The following CDH26 variants were observed in gnomAD, a reference collection of about 807,000 sequenced individuals.
CDH26 encodes cadherin 26, also known as cadherin-like protein 26.
A neutral mutation model predicts 90.3 loss-of-function variants in CDH26; 83 were observed. The ratio of observed to expected loss-of-function variants is 0.92; its 90% confidence interval spans 0.77 to 1.10. The LOEUF (loss-of-function observed/expected upper bound fraction) is 1.10, where lower values mean the gene tolerates loss of function less well. Ranked by LOEUF, CDH26 falls within the 50% of genes least tolerant of loss-of-function variation. CDH26 has a pLI of 0.00. For synonymous variants in CDH26, 397 were observed against 396.3 expected (o/e 1.00, Z -0.02); for missense variants, 1,013 against 1,037.6 (o/e 0.98, Z 0.33).
At position 59,992,423 on chromosome 20, in the gene CDH26, A is replaced by G; in HGVS notation, c.1329A>G (p.Lys443=). The G allele has an allele frequency of 6.2e-7, 1 of 1,614,090 alleles. No homozygotes were observed. Among genetic ancestry groups the G allele is most frequent in the South Asian group, 1.1e-5 (1 of 91,074 alleles). Residue 443 remains lysine (K), a synonymous_variant, in exon 10 of 18, where the codon AAA becomes AAG. Coordinates refer to ENST00000348616, the MANE Select transcript of CDH26 (RefSeq NM_177980.4). The surrounding 1 kb of genome is among the most constrained non-coding windows in gnomAD (Gnocchi z 5.0). ...HDPANWVSVD[K]NSGVVITVEP... is the part of the protein sequence containing the mutation. ...CAGCAAATTGGGTCAGCGTCGACAA[A>G]AACTCCGGAGTGGTCATCACCGTGG...
At chr20:60,033,672 G>A (rs1177696674) in exon 9 of CDH26, 3 of 1,304,266 alleles carry the variant, frequency 2.3e-6, no homozygotes, top group Non-Finnish European at 3.0e-6. Flanking sequence ...GCTGTCTCAG[G>A]CTGAGCAGAG....
chr20:60,012,534 A>T lies in CDH26; in HGVS notation c.2303A>T (p.His768Leu). 6.2e-7 allele frequency: 1 copy of T among 1,612,006 alleles called. No homozygotes were observed. The highest frequency in any genetic ancestry group is 8.5e-7 in the Non-Finnish European group (1 of 1,178,816). The change falls in exon 18 of 18, where the codon CAT becomes CTT. Residue 768 changes from histidine (H) to leucine (L), a missense_variant. Transcript: ENST00000348616. ...TCCCCCACTTTTCCCCAGAAACTCCATGTTGCCAATGTGCTGGAAGATGAC... is the reference window on the plus strand; with the variant it reads ...TCCCCCACTTTTCCCCAGAAACTCCTTGTTGCCAATGTGCTGGAAGATGAC... Reference protein sequence around the residue: ...RMAETLNQKLHVANVLEDDPG... With the variant: ...RMAETLNQKLLVANVLEDDPG...
At chr20:60,022,733 A>C (rs949157089) in intron 7 of CDH26, among the ~76,000 whole-genome samples, 8 of 152,228 alleles carry the variant, frequency 5.3e-5, no homozygotes, top group East Asian at 1.9e-4. Flanking sequence ...GTCTTCTCTG[A>C]AATTTGTGTG....
chr20:59,976,022 T>C (rs941294467), intron 4 of CDH26, among the ~76,000 whole-genome samples: 1 of 152,244 alleles, frequency 6.6e-6, no homozygotes, highest in Non-Finnish European at 1.5e-5. Context: ...CAAAATATGC[T>C]CATTTTTGTA....
chr20:60,017,839 T>C (rs1486379680), downstream of CDH26, among the ~76,000 whole-genome samples: 1 of 152,108 alleles, frequency 6.6e-6, no homozygotes, highest in Non-Finnish European at 1.5e-5. Flanking sequence ...AATTTTAAAA[T>C]CTCATTCTTA....
intron 4 of CDH26, among the ~76,000 whole-genome samples, chr20:59,977,324 C>G (rs897541471): frequency 1.1e-4 from 17 of 152,148 alleles, no homozygotes; most frequent in South Asian, 4.1e-4. Context: ...GGACCACCCT[C>G]GTGCCAGGAT....
At chr20:60,031,142 G>A in intron 7 of CDH26, 1 of 1,028,394 alleles carries the variant, frequency 9.7e-7, no homozygotes, top group Non-Finnish European at 1.2e-6. Context: ...CTGTCATGGT[G>A]CTGGCGGGAA....
At chr20:60,010,383 C>G (rs536233757) in intron 17 of CDH26, among the ~76,000 whole-genome samples, 1 of 152,158 alleles carries the variant, frequency 6.6e-6, no homozygotes, top group Non-Finnish European at 1.5e-5. Flanking sequence ...TCAGCAGTGA[C>G]GGATTAGACA....
chr20:60,008,449 A>C (rs2146018104), intron 17 of CDH26, among the ~76,000 whole-genome samples: 1 of 152,270 alleles, frequency 6.6e-6, no homozygotes, highest in East Asian at 1.9e-4. Context: ...GGGTCTAGGC[A>C]CTTAGGGGGC....
chr20:59,976,329 T>A (rs2145978784), intron 4 of CDH26, among the ~76,000 whole-genome samples: 1 of 152,362 alleles, frequency 6.6e-6, no homozygotes, highest in Non-Finnish European at 1.5e-5. Context: ...GTCCATGACA[T>A]TTCTTTTCTC....
At chr20:59,996,466 G>T (rs1339175580) in intron 12 of CDH26, 165 bp from the exon 13 acceptor site, 5 of 1,606,926 alleles carry the variant, frequency 3.1e-6, no homozygotes, top group Non-Finnish European at 4.3e-6. Flanking sequence ...AGCATCTACT[G>T]GTACCCTGGA....
intron 7 of CDH26, among the ~76,000 whole-genome samples, chr20:60,020,819 C>G (rs1010251714): frequency 6.6e-6 from 1 of 152,192 alleles, no homozygotes; most frequent in South Asian, 2.1e-4. Context: ...GCTCTCCAAA[C>G]TGGGCTCAGG....
At chr20:59,967,963 CTTTCTTTCTT>C (rs1569024782) in intron 1 of CDH26, among the ~76,000 whole-genome samples, 1 of 50,254 alleles carries the variant, frequency 2.0e-5, no homozygotes, top group African/African-American at 8.5e-5. Flanking sequence ...TTCTATCTTT[CTTTCTTTCTT>C]TCTTTCTTTC....
intron 9 of CDH26, among the ~76,000 whole-genome samples, chr20:59,991,126 T>C (rs773833335): frequency 1.2e-4 from 18 of 152,020 alleles, no homozygotes; most frequent in Non-Finnish European, 2.6e-4. Flanking sequence ...AGGTCTGGGG[T>C]CAGGACTGAG....
Position 59,981,854 on chromosome 20 carries a change from G to A in CDH26, c.394-1069G>A, listed in dbSNP as rs990680682. Among the ~76,000 whole-genome samples, 11 of 151,896 alleles carry A rather than the reference G, an allele frequency of 7.2e-5. No individual in the cohort carries two copies. The East Asian group carries it at 7.7e-4, about 11-fold the overall frequency. On this transcript the variant is annotated intron_variant, in intron 4 of 17. Transcript: ENST00000348616. ...ATTGGTCTTTCTTCTTTCATATTTT[G>A]CTAGAATTTATCATTGAAGTCATCT... is the stretch of plus-strand genomic sequence containing the variant.
intron 7 of CDH26, among the ~76,000 whole-genome samples, chr20:60,026,313 T>C (rs1336474798): frequency 3.9e-5 from 6 of 151,996 alleles, no homozygotes; most frequent in Non-Finnish European, 8.8e-5. Flanking sequence ...AAATAGGGCA[T>C]TGATCTTGCA....
chr20:60,016,934 A>T (rs1253332103), downstream of CDH26, among the ~76,000 whole-genome samples: 1 of 152,012 alleles, frequency 6.6e-6, no homozygotes, highest in African/African-American at 2.4e-5. Context: ...ATTTGGGTAT[A>T]TGAAAGCCTT....
intron 14 of CDH26, 113 bp downstream of exon 14, chr20:59,999,776 C>A: frequency 1.1e-6 from 1 of 944,640 alleles, no homozygotes; most frequent in Non-Finnish European, 1.7e-6. Context: ...GGAGGTTCTT[C>A]TTCAAGTCAG....
intron 4 of CDH26, among the ~76,000 whole-genome samples, chr20:59,977,675 C>T (rs1383336162): frequency 7.1e-6 from 1 of 141,380 alleles, no homozygotes; most frequent in African/African-American, 2.8e-5. Flanking sequence ...CCCCCTACCC[C>T]CTCCCTTCAG....
Sources: allele counts gnomAD v4.1 joint callset (sites outside exome capture counted in the v4.1 genomes callset), GRCh38; gene constraint gnomAD v4.1.1; non-coding constraint Gnocchi (gnomAD v3.1); transcripts MANE v1.5; gene names NCBI Gene and HGNC (gene_info 2026-07-23, HGNC 2026-07-21).